C10orf143: variants seen among roughly 807,000 people sequenced by gnomAD.
The protein encoded by C10orf143 is chromosome 10 open reading frame 143, also known as uncharacterized protein C10orf143.
At chr10:130,045,486 C>T (rs1860656591) in intron 3 of C10orf143, among the ~76,000 whole-genome samples, 1 of 152,256 alleles carries the variant, frequency 6.6e-6, no homozygotes, top group South Asian at 2.1e-4. Context: ...CAACGCCCCG[C>T]CCCGCAGCAC....
At chr10:130,063,327 A>G (rs1393597663), downstream of C10orf143, among the ~76,000 whole-genome samples, 5 of 152,128 alleles carry the variant, frequency 3.3e-5, no homozygotes, top group African/African-American at 1.2e-4. Context: ...CGTGTATCTC[A>G]TTTTGGAAAA....
chr10:130,061,605 T>G (rs1860858113), downstream of C10orf143, among the ~76,000 whole-genome samples: 1 of 152,166 alleles, frequency 6.6e-6, no homozygotes, highest in Admixed American at 6.5e-5. Flanking sequence ...CTAATGGACA[T>G]ACAGACACAT....
intron 1 of C10orf143, 124 bp downstream of exon 1, chr10:130,110,580 T>A (rs1344589031): frequency 2.5e-6 from 1 of 397,390 alleles, no homozygotes; most frequent in Non-Finnish European, 4.4e-6. Context: ...TACGCGAGCG[T>A]GCGAGTGTCT....
chr10:130,035,704 G>T (rs956144186), intron 4 of C10orf143, among the ~76,000 whole-genome samples: 6 of 152,248 alleles, frequency 3.9e-5, no homozygotes, highest in African/African-American at 1.2e-4. Context: ...ACACAGCTGG[G>T]AAGTGAGTAG....
chr10:130,059,190 A>G (rs946109019), downstream of C10orf143, among the ~76,000 whole-genome samples: 5 of 152,244 alleles, frequency 3.3e-5, no homozygotes, highest in Non-Finnish European at 7.3e-5. Context: ...GTAAGTTACA[A>G]TCAACTCATG....
intron 3 of C10orf143, among the ~76,000 whole-genome samples, chr10:130,070,676 G>A (rs1397160798): frequency 6.6e-6 from 1 of 152,098 alleles, no homozygotes; most frequent in Non-Finnish European, 1.5e-5. Flanking sequence ...TCTCATAAAT[G>A]TTTTTATTCC....
At chr10:130,037,466 T>G (rs1268716964) in intron 3 of C10orf143, among the ~76,000 whole-genome samples, 1 of 152,130 alleles carries the variant, frequency 6.6e-6, no homozygotes, top group Non-Finnish European at 1.5e-5. Context: ...GTGCCCGGTC[T>G]CCAAGGGAGT....
At chr10:130,106,557 A>C (rs1174609613) in intron 1 of C10orf143, 5 of 1,584,236 alleles carry the variant, frequency 3.2e-6, no homozygotes, top group Non-Finnish European at 3.5e-6. Flanking sequence ...GATATTTCAA[A>C]AACGATACAG....
intron 1 of C10orf143, among the ~76,000 whole-genome samples, chr10:130,094,541 C>T (rs1258582526): frequency 1.3e-5 from 2 of 152,190 alleles, no homozygotes; most frequent in African/African-American, 4.8e-5. Flanking sequence ...ATCAAGTTGG[C>T]TTCATCCCTG....
At chr10:130,089,947 A>T (rs1861353448) in intron 1 of C10orf143, among the ~76,000 whole-genome samples, 1 of 152,234 alleles carries the variant, frequency 6.6e-6, no homozygotes, top group African/African-American at 2.4e-5. Flanking sequence ...AAAGTGTAAA[A>T]TTTTTAAAGG....
intron 1 of C10orf143, among the ~76,000 whole-genome samples, chr10:130,099,087 C>CAAA (rs34244340): frequency 1.3e-5 from 1 of 76,348 alleles, no homozygotes; most frequent in Non-Finnish European, 3.2e-5. Context: ...GACACCATCT[C>CAAA]AAAAAAAAAA....
At chr10:130,042,286 G>A (rs772391054) in intron 3 of C10orf143, among the ~76,000 whole-genome samples, 2 of 152,208 alleles carry the variant, frequency 1.3e-5, no homozygotes, top group Admixed American at 6.5e-5. Flanking sequence ...CCACTTTCAC[G>A]CCGTTTGTTA....
intron 3 of C10orf143, among the ~76,000 whole-genome samples, chr10:130,038,903 A>C (rs554232241): frequency 1.3e-5 from 2 of 152,296 alleles, no homozygotes; most frequent in African/African-American, 4.8e-5. Context: ...GGCTCTGACC[A>C]CAGGGCAGGG....
chr10:130,086,731 A>T (rs1324185182), intron 1 of C10orf143, among the ~76,000 whole-genome samples: 1 of 152,252 alleles, frequency 6.6e-6, no homozygotes, highest in African/African-American at 2.4e-5. Flanking sequence ...AATAGCAATA[A>T]TATTATTTCC....
intron 1 of C10orf143, among the ~76,000 whole-genome samples, chr10:130,101,849 CA>C (rs1413239919): frequency 3.7e-4 from 10 of 26,934 alleles, no homozygotes; most frequent in Non-Finnish European, 1.6e-3. Flanking sequence ...GACTCTGTCT[CA>C]AAAAAAAAAA....
intron 1 of C10orf143, among the ~76,000 whole-genome samples, chr10:130,098,213 C>A (rs1861492629): frequency 6.6e-6 from 1 of 152,030 alleles, no homozygotes; most frequent in African/African-American, 2.4e-5. Context: ...ATCCCAGCTA[C>A]TCTGGAGGCT....
At chr10:130,082,035 T>TC (rs1030769506) in intron 1 of C10orf143, among the ~76,000 whole-genome samples, 1 of 151,404 alleles carries the variant, frequency 6.6e-6, no homozygotes, top group African/African-American at 2.4e-5. Context: ...CCATAGACAC[T>TC]CCATAATTAA....
intron 3 of C10orf143, among the ~76,000 whole-genome samples, chr10:130,045,607 A>G (rs1389460048): frequency 6.6e-6 from 1 of 152,188 alleles, no homozygotes; most frequent in Admixed American, 6.5e-5. Context: ...GTTCTCTGGC[A>G]TTTTCGTTTG....
chr10:130,106,093 GGGGGAGCCA>G, intron 1 of C10orf143: 1 of 621,854 alleles, frequency 1.6e-6, no homozygotes. Context: ...GGCTGGTCCT[GGGGGAGCCA>G]CGCAGGGTTG....
Sources: allele counts gnomAD v4.1 joint callset (sites outside exome capture counted in the v4.1 genomes callset), GRCh38; gene constraint gnomAD v4.1.1; transcripts MANE v1.5; gene names NCBI Gene and HGNC (gene_info 2026-07-23, HGNC 2026-07-21).